Variants in JAZF1 observed in about 807,000 individuals in gnomAD.
JAZF1 encodes JAZF zinc finger 1, also known as juxtaposed with another zinc finger protein 1.
In JAZF1, 8 loss-of-function variants were observed where a neutral mutation model predicts 26.4. That is an observed-to-expected ratio of 0.30 (90% CI 0.18 to 0.55). The LOEUF (loss-of-function observed/expected upper bound fraction) is 0.55, where lower values mean the gene tolerates loss of function less well. Ranked by LOEUF, JAZF1 falls within the 20% of genes least tolerant of loss-of-function variation. The pLI is 0.94. For synonymous variants in JAZF1, 126 were observed against 122.3 expected, an observed-to-expected ratio of 1.03 and a Z score of -0.20; for missense variants, 199 against 322.0, an observed-to-expected ratio of 0.62 and a Z score of 2.92.
At chr7:28,062,614 C>T (rs1399291132) in intron 1 of JAZF1, among the ~76,000 whole-genome samples, 1 of 151,952 alleles carries the variant, frequency 6.6e-6, no homozygotes, top group East Asian at 1.9e-4. Flanking sequence ...TTGCCTGTGC[C>T]CCAAAGCCAG....
chr7:28,110,669 A>G (rs540079715), intron 1 of JAZF1, among the ~76,000 whole-genome samples: 1 of 152,154 alleles, frequency 6.6e-6, no homozygotes, highest in East Asian at 1.9e-4. Flanking sequence ...AAGAAAAGTT[A>G]GTTTAAAAAC....
intron 3 of JAZF1, among the ~76,000 whole-genome samples, chr7:27,886,997 G>A (rs1466770949): frequency 2.0e-5 from 3 of 152,146 alleles, no homozygotes; most frequent in African/African-American, 7.2e-5. Flanking sequence ...AGCTAACACA[G>A]GAACAGAAAA....
chr7:27,895,180 CCT>C (rs2128342014), intron 3 of JAZF1, 38 bp downstream of exon 3: 2 of 1,378,576 alleles, frequency 1.5e-6, no homozygotes, highest in African/African-American at 2.9e-5. Context: ...CTCTTTCTCC[CCT>C]CTCCTCCTTC....
chr7:27,855,233 G>C (rs13237769), intron 3 of JAZF1, among the ~76,000 whole-genome samples: 4 of 151,758 alleles, frequency 2.6e-5, no homozygotes, highest in Admixed American at 2.0e-4. Flanking sequence ...GCAGTGTGTA[G>C]AGGGAAATTT....
At chr7:27,945,776 C>A (rs950217302) in intron 2 of JAZF1, among the ~76,000 whole-genome samples, 2 of 152,170 alleles carry the variant, frequency 1.3e-5, no homozygotes, top group African/African-American at 4.8e-5. Flanking sequence ...CAACTTATTT[C>A]TGAGAGTTCA....
intron 2 of JAZF1, among the ~76,000 whole-genome samples, chr7:27,924,593 C>T (rs1186282161): frequency 1.3e-5 from 2 of 152,256 alleles, no homozygotes; most frequent in East Asian, 3.9e-4. Flanking sequence ...TCTAAAGCTG[C>T]TTCTCATGGG....
At chr7:27,912,434 G>A (rs1285823185) in intron 2 of JAZF1, among the ~76,000 whole-genome samples, 1 of 152,132 alleles carries the variant, frequency 6.6e-6, no homozygotes, top group African/African-American at 2.4e-5. Context: ...TGGAGAGGGT[G>A]AGAAAAATCT....
chr7:28,002,612 G>A (rs972299930), intron 1 of JAZF1, among the ~76,000 whole-genome samples: 1 of 152,126 alleles, frequency 6.6e-6, no homozygotes, highest in African/African-American at 2.4e-5. Flanking sequence ...TCCATAAGGC[G>A]TTTTGAAACT....
At chr7:27,972,876 T>A (rs1785399486) in intron 2 of JAZF1, among the ~76,000 whole-genome samples, 1 of 151,884 alleles carries the variant, frequency 6.6e-6, no homozygotes, top group African/African-American at 2.4e-5. Context: ...TACATATACG[T>A]ATATATCTAT....
At chr7:28,007,335 G>A (rs1475404780) in intron 1 of JAZF1, among the ~76,000 whole-genome samples, 1 of 152,170 alleles carries the variant, frequency 6.6e-6, no homozygotes, top group East Asian at 1.9e-4. Context: ...CGGGTGTGGT[G>A]AGGTGGGAGG....
At chr7:28,171,113 TTCTG>T (rs1374332021) in intron 1 of JAZF1, among the ~76,000 whole-genome samples, 1 of 152,248 alleles carries the variant, frequency 6.6e-6, no homozygotes, top group Non-Finnish European at 1.5e-5. Context: ...CAAAATCCAA[TTCTG>T]TATAGCTTCA....
intron 3 of JAZF1, among the ~76,000 whole-genome samples, chr7:27,861,872 G>C (rs979150214): frequency 1.3e-5 from 2 of 152,220 alleles, no homozygotes; most frequent in Non-Finnish European, 2.9e-5. Context: ...ACCATCCTGG[G>C]TGGTGTGAGT....
intron 1 of JAZF1, among the ~76,000 whole-genome samples, chr7:28,045,013 T>C (rs760486443): frequency 2.3e-4 from 35 of 152,080 alleles, no homozygotes; most frequent in Non-Finnish European, 4.6e-4. Context: ...CACCATCCTC[T>C]TAAACTCTGA....
chr7:27,998,755 T>A (rs971515539), intron 1 of JAZF1, among the ~76,000 whole-genome samples: 13 of 152,224 alleles, frequency 8.5e-5, no homozygotes, highest in Admixed American at 2.0e-4. Context: ...ATTTGTAGCC[T>A]GAGTTTTCCT....
At chr7:27,995,227 A>G (rs996015856) in intron 1 of JAZF1, among the ~76,000 whole-genome samples, 1 of 152,214 alleles carries the variant, frequency 6.6e-6, no homozygotes, top group African/African-American at 2.4e-5. Context: ...GAACTAGAAC[A>G]TTGGCTACAA....
chr7:28,083,990 C>T (rs564150047), intron 1 of JAZF1, among the ~76,000 whole-genome samples: 1 of 152,176 alleles, frequency 6.6e-6, no homozygotes, highest in African/African-American at 2.4e-5. Flanking sequence ...AGTGAAATAG[C>T]TTGTTTCTTT....
At chr7:28,091,784 G>A (rs1426577239) in intron 1 of JAZF1, among the ~76,000 whole-genome samples, 5 of 151,784 alleles carry the variant, frequency 3.3e-5, no homozygotes, top group Admixed American at 2.0e-4. Flanking sequence ...TAGAATAGTC[G>A]GTGTGTGTAT....
chr7:27,997,409 G>T (rs1013933138), intron 1 of JAZF1, among the ~76,000 whole-genome samples: 11 of 152,158 alleles, frequency 7.2e-5, no homozygotes, highest in Non-Finnish European at 1.5e-4. Context: ...CAGTCAGGAG[G>T]ATTCTTCTCT....
intron 1 of JAZF1, among the ~76,000 whole-genome samples, chr7:28,115,599 G>A (rs1376975790): frequency 1.3e-5 from 2 of 152,104 alleles, no homozygotes; most frequent in Non-Finnish European, 2.9e-5. Flanking sequence ...TGTTGAATTG[G>A]CACTGAAATA....
Sources: allele counts gnomAD v4.1 joint callset (sites outside exome capture counted in the v4.1 genomes callset), GRCh38; gene constraint gnomAD v4.1.1; transcripts MANE v1.5; gene names NCBI Gene and HGNC (gene_info 2026-07-23, HGNC 2026-07-21).